Variants in MYH10 observed in about 807,000 individuals in gnomAD.
MYH10 encodes myosin heavy chain 10, also known as myosin-10.
Under a neutral mutation model 257.8 loss-of-function variants are expected in MYH10, and 55 were observed. The observed-to-expected ratio is 0.21, with a 90% CI of 0.17 to 0.27. The LOEUF is 0.27. MYH10 is among the 10% of genes least tolerant of loss of function. MYH10 has a pLI of 1.00. For missense variants in MYH10, 1,631 were observed against 2,500.6 expected (o/e 0.65, Z 7.42); for synonymous variants, 854 against 921.7 (o/e 0.93, Z 1.33).
At chr17:8,621,613 A>C (rs1367118236) in intron 2 of MYH10, among the ~76,000 whole-genome samples, 2 of 152,204 alleles carry the variant, frequency 1.3e-5, no homozygotes, top group Non-Finnish European at 2.9e-5. Context: ...AAATTGGAAA[A>C]GGGTTGTTCC....
chr17:8,534,060 C>T (rs1026606325), intron 16 of MYH10, among the ~76,000 whole-genome samples: 1 of 152,158 alleles, frequency 6.6e-6, no homozygotes, highest in Non-Finnish European at 1.5e-5. Context: ...TTTCTGTTCT[C>T]GTCTCAGTTT....
At chr17:8,589,426 G>A (rs1188107355) in intron 3 of MYH10, among the ~76,000 whole-genome samples, 2 of 152,156 alleles carry the variant, frequency 1.3e-5, no homozygotes, top group African/African-American at 2.4e-5. Context: ...CAACCGGGAA[G>A]TTTTATAAAA....
At position 8,518,842 on chromosome 17, in the gene MYH10, T is replaced by A. The variant is rs112534459; in HGVS notation, c.2343+39A>T. On this transcript the variant is annotated intron_variant, in intron 20 of 42. Transcript: ENST00000360416. Reference sequence around the variant, plus strand: ...TTTTTTAACTACAAGAAAGATTAGATTAAATCTACAAGCCAGAAAAAGATC... The same window carrying A: ...TTTTTTAACTACAAGAAAGATTAGAATAAATCTACAAGCCAGAAAAAGATC... The A allele has an allele frequency of 7.2e-4, 1,148 of 1,602,682 alleles. 8 individuals carry two copies. The African/African-American group carries it at 0.014, about 19-fold the overall frequency.
chr17:8,499,173 A>G, intron 30 of MYH10, 97 bp downstream of exon 30: 3 of 1,215,202 alleles, frequency 2.5e-6, no homozygotes, highest in Non-Finnish European at 3.5e-6. Flanking sequence ...GTCGCACAGC[A>G]CATTGGCCAT....
At chr17:8,584,442 C>T (rs2083821837) in intron 4 of MYH10, among the ~76,000 whole-genome samples, 1 of 152,152 alleles carries the variant, frequency 6.6e-6, no homozygotes. Flanking sequence ...TTTTTACAAG[C>T]AGTTTTTAAA....
chr17:8,498,425 G>T (rs75173097), intron 30 of MYH10, among the ~76,000 whole-genome samples: 34 of 152,250 alleles, frequency 2.2e-4, no homozygotes, highest in African/African-American at 8.2e-4. Flanking sequence ...GAACATTCTT[G>T]AAGTTGACTC....
rs971735698 is a variant in MYH10 at position 8,576,753 on chromosome 17, G to C, written c.634-81C>G. ...CAGTAAGCCATTTCCAAAGCACCAA[G>C]CCAATGTGCAGTTGAGAACTGTGGA... On this transcript the variant is annotated intron_variant, in intron 5 of 42. Coordinates refer to ENST00000360416, the MANE Select transcript of MYH10 (RefSeq NM_001256012.3). 1.2e-5 allele frequency: 16 copies of C among 1,372,518 alleles called. No homozygotes were observed. The Admixed American group carries it at 3.2e-4, about 27-fold the overall frequency. 85.0% of individuals were successfully genotyped at this position (1,372,518 alleles called of 1,614,324 possible).
chr17:8,485,098 T>C (rs1914533449), intron 36 of MYH10, among the ~76,000 whole-genome samples: 1 of 152,186 alleles, frequency 6.6e-6, no homozygotes, highest in African/African-American at 2.4e-5. Flanking sequence ...CTGCTGGTAA[T>C]ATGGACAGTA....
chr17:8,499,789 G>T (rs1462635123), intron 29 of MYH10, among the ~76,000 whole-genome samples: 1 of 152,190 alleles, frequency 6.6e-6, no homozygotes, highest in Non-Finnish European at 1.5e-5. Context: ...GTATAAAAAA[G>T]TGTTGTTAGT....
At chr17:8,511,454 A>G (rs994384794) in intron 24 of MYH10, among the ~76,000 whole-genome samples, 1 of 152,150 alleles carries the variant, frequency 6.6e-6, no homozygotes, top group Non-Finnish European at 1.5e-5. Flanking sequence ...GAGGAGGTGG[A>G]GGTTGCAGTG....
chr17:8,492,085 G>T (rs916993493), intron 34 of MYH10, among the ~76,000 whole-genome samples: 4 of 152,202 alleles, frequency 2.6e-5, no homozygotes, highest in African/African-American at 9.6e-5. Context: ...AGCCAGTGCT[G>T]GGGGAAGACT....
intron 1 of MYH10, among the ~76,000 whole-genome samples, chr17:8,627,350 A>G (rs1212579947): frequency 6.6e-6 from 1 of 152,222 alleles, no homozygotes. Context: ...CCCAACCCTC[A>G]TAGTGAAATT....
intron 3 of MYH10, among the ~76,000 whole-genome samples, chr17:8,597,380 T>G (rs2084417687): frequency 6.6e-6 from 1 of 150,826 alleles, no homozygotes; most frequent in African/African-American, 2.4e-5. Context: ...ATAGGCTTCT[T>G]ACTTATTAAT....
chr17:8,603,310 C>A (rs2084679811), intron 3 of MYH10, among the ~76,000 whole-genome samples: 1 of 152,222 alleles, frequency 6.6e-6, no homozygotes, highest in South Asian at 2.1e-4. Flanking sequence ...CCGGATAGAT[C>A]TGGTCAACCT....
chr17:8,593,359 G>A (rs2152056574), intron 3 of MYH10, among the ~76,000 whole-genome samples: 1 of 152,010 alleles, frequency 6.6e-6, no homozygotes, highest in East Asian at 1.9e-4. Flanking sequence ...TTGAAAAGGA[G>A]GAAATAGCAA....
chr17:8,488,938 G>A (rs1915317575), intron 35 of MYH10, among the ~76,000 whole-genome samples: 1 of 152,172 alleles, frequency 6.6e-6, no homozygotes, highest in Admixed American at 6.5e-5. Context: ...CCACCTTAAA[G>A]AGTTGGAGCA....
At chr17:8,485,959 T>C (rs2032949741) in intron 36 of MYH10, among the ~76,000 whole-genome samples, 2 of 152,182 alleles carry the variant, frequency 1.3e-5, no homozygotes, top group African/African-American at 4.8e-5. Flanking sequence ...TAAAATGTGG[T>C]AGATGTATCC....
At chr17:8,592,289 G>T (rs1316948249) in intron 3 of MYH10, among the ~76,000 whole-genome samples, 3 of 151,010 alleles carry the variant, frequency 2.0e-5, no homozygotes, top group Non-Finnish European at 4.4e-5. Context: ...GTAAGGAGAA[G>T]AAAGGAAATG....
rs149753342 is a variant in MYH10, at chr17:8,481,508, C to G, written c.5176-98G>C. ...AGCTACAGCGACCTTGCTCCTGTCA[C>G]TGTTTACCTGCACCTCAAGCTGTCA... On this transcript the variant is annotated intron_variant, in intron 37 of 42. Coordinates refer to ENST00000360416, the MANE Select transcript of MYH10 (RefSeq NM_001256012.3). The G allele has an allele frequency of 1.7e-4, 167 of 993,764 alleles. No homozygotes were observed. The African/African-American group carries it at 2.4e-3, about 14-fold the overall frequency. 61.6% of individuals were successfully genotyped at this position (993,764 alleles called of 1,614,324 possible).
Sources: allele counts gnomAD v4.1 joint callset (sites outside exome capture counted in the v4.1 genomes callset), GRCh38; gene constraint gnomAD v4.1.1; transcripts MANE v1.5; gene names NCBI Gene and HGNC (gene_info 2026-07-23, HGNC 2026-07-21).